The following ARHGAP15 variants were observed in gnomAD, a reference collection of about 807,000 sequenced individuals.
The protein encoded by ARHGAP15 is Rho GTPase activating protein 15.
In ARHGAP15, 51 loss-of-function variants were observed where a neutral mutation model predicts 63.7. The observed-to-expected ratio is 0.80, with a 90% CI of 0.64 to 1.01. The LOEUF (loss-of-function observed/expected upper bound fraction) is 1.01. Ranked by LOEUF, ARHGAP15 falls within the 50% of genes least tolerant of loss-of-function variation. The probability of loss-of-function intolerance (pLI) is 0.00; values close to 1 mark genes in which losing one functional copy is unlikely to be tolerated. For synonymous variants in ARHGAP15, 191 were observed against 193.8 expected (o/e 0.99, Z 0.12); for missense variants, 560 against 564.6 (o/e 0.99, Z 0.08).
chr2:143,531,816 A>G (rs1328768635), intron 10 of ARHGAP15, among the ~76,000 whole-genome samples: 2 of 152,202 alleles, frequency 1.3e-5, no homozygotes, highest in Non-Finnish European at 2.9e-5. Context: ...TTACTACCTG[A>G]TACTTCATAG....
At chr2:143,660,586 C>T (rs944113296) in intron 12 of ARHGAP15, among the ~76,000 whole-genome samples, 1 of 152,168 alleles carries the variant, frequency 6.6e-6, no homozygotes, top group African/African-American at 2.4e-5. Flanking sequence ...GGAAATTACT[C>T]ACTTAGCGAC....
chr2:143,322,189 G>A (rs1395032130), intron 6 of ARHGAP15, among the ~76,000 whole-genome samples: 1 of 152,302 alleles, frequency 6.6e-6, no homozygotes, highest in East Asian at 1.9e-4. Flanking sequence ...CTGTATCAGA[G>A]TTGAGCACTC....
intron 12 of ARHGAP15, among the ~76,000 whole-genome samples, chr2:143,702,320 A>G (rs1413933038): frequency 6.6e-6 from 1 of 152,232 alleles, no homozygotes; most frequent in Non-Finnish European, 1.5e-5. Flanking sequence ...ATCTATAAAC[A>G]AAACAAAATG....
chr2:143,485,399 T>C (rs1013591237), intron 8 of ARHGAP15, among the ~76,000 whole-genome samples: 10 of 152,176 alleles, frequency 6.6e-5, no homozygotes, highest in Admixed American at 5.2e-4. Context: ...ATGACAAATA[T>C]ATAGATAGAT....
chr2:143,729,430 G>A (rs1379323383), intron 13 of ARHGAP15, among the ~76,000 whole-genome samples: 1 of 152,124 alleles, frequency 6.6e-6, no homozygotes, highest in African/African-American at 2.4e-5. Context: ...AACTTTCACT[G>A]GCCACCCACA....
chr2:143,130,650 A>G (rs902318050), intron 1 of ARHGAP15, among the ~76,000 whole-genome samples: 2 of 152,104 alleles, frequency 1.3e-5, no homozygotes, highest in African/African-American at 4.8e-5. Context: ...CCATTTTAAG[A>G]CCTCTTCAAT....
rs150794796 is a variant in ARHGAP15 at position 143,171,259 on chromosome 2, T to C, written c.165+15604T>C. Among the ~76,000 whole-genome samples the C allele has an allele frequency of 1.4e-4, 22 of 152,276 alleles. No homozygotes were observed. The East Asian group carries it at 3.9e-3, about 27-fold the overall frequency. ...TCTTTTCTACTGCCTGCCTTGTGGT[T>C]CAGAGTTTATGATGTGCAAACCCAC... is the stretch of plus-strand genomic sequence containing the variant. On this transcript the variant is annotated intron_variant, in intron 2 of 13. Coordinates refer to ENST00000295095, the MANE Select transcript of ARHGAP15 (RefSeq NM_018460.4).
At chr2:143,447,057 T>C (rs1316590058) in intron 8 of ARHGAP15, among the ~76,000 whole-genome samples, 1 of 152,110 alleles carries the variant, frequency 6.6e-6, no homozygotes, top group East Asian at 1.9e-4. Flanking sequence ...TTCCAAGTCT[T>C]TGCTATTGTG....
intron 13 of ARHGAP15, among the ~76,000 whole-genome samples, chr2:143,765,915 T>C (rs1223695536): frequency 1.3e-5 from 2 of 152,172 alleles, no homozygotes; most frequent in African/African-American, 4.8e-5. Flanking sequence ...CTTGTTATGA[T>C]GATGAAATGA....
intron 12 of ARHGAP15, among the ~76,000 whole-genome samples, chr2:143,666,264 G>A (rs913122352): frequency 3.9e-4 from 57 of 145,448 alleles, no homozygotes; most frequent in African/African-American, 7.7e-4. Flanking sequence ...AAATAATGCC[G>A]CATGTCTACA....
intron 6 of ARHGAP15, among the ~76,000 whole-genome samples, chr2:143,386,179 C>A (rs530025309): frequency 6.6e-6 from 1 of 152,138 alleles, no homozygotes; most frequent in Non-Finnish European, 1.5e-5. Flanking sequence ...ACTCAGCCAC[C>A]AACACAGAGC....
intron 6 of ARHGAP15, among the ~76,000 whole-genome samples, chr2:143,270,797 T>C (rs890783979): frequency 6.6e-6 from 1 of 152,222 alleles, no homozygotes; most frequent in Non-Finnish European, 1.5e-5. Context: ...TAGTATGGTA[T>C]GGAAACAACC....
chr2:143,599,264 G>A (rs1377447960), intron 11 of ARHGAP15, among the ~76,000 whole-genome samples: 1 of 152,146 alleles, frequency 6.6e-6, no homozygotes, highest in Non-Finnish European at 1.5e-5. Context: ...CCATGTTAAT[G>A]AACTCAGACA....
At chr2:143,542,888 G>A (rs916714334) in intron 10 of ARHGAP15, among the ~76,000 whole-genome samples, 9 of 143,574 alleles carry the variant, frequency 6.3e-5, no homozygotes, top group Admixed American at 3.6e-4. Flanking sequence ...ATGATATAAT[G>A]TATATCATAT....
intron 5 of ARHGAP15, among the ~76,000 whole-genome samples, chr2:143,232,036 C>T (rs960753257): frequency 1.3e-5 from 2 of 152,142 alleles, no homozygotes; most frequent in Admixed American, 1.3e-4. Flanking sequence ...ACATTCAATC[C>T]TTAAAAATAT....
intron 13 of ARHGAP15, among the ~76,000 whole-genome samples, chr2:143,737,726 TTTTATTTATTTATTTATTTATTTA>T (rs142591625): frequency 1.4e-5 from 2 of 146,704 alleles, no homozygotes; most frequent in South Asian, 2.2e-4. Context: ...AACCTATTTA[TTTTATTTATTTATTTATTTATTTA>T]TTTATTTATT....
intron 10 of ARHGAP15, among the ~76,000 whole-genome samples, chr2:143,548,505 T>G (rs758455384): frequency 6.6e-6 from 1 of 151,964 alleles, no homozygotes; most frequent in Non-Finnish European, 1.5e-5. Context: ...TAAGCCATTT[T>G]CTTAGAAACG....
At chr2:143,650,302 G>C (rs1203747947) in intron 12 of ARHGAP15, among the ~76,000 whole-genome samples, 1 of 151,904 alleles carries the variant, frequency 6.6e-6, no homozygotes, top group Non-Finnish European at 1.5e-5. Flanking sequence ...ACCAAGAAAA[G>C]AGTGGGTTGG....
At chr2:143,388,713 T>C (rs746026215) in intron 6 of ARHGAP15, among the ~76,000 whole-genome samples, 2 of 152,192 alleles carry the variant, frequency 1.3e-5, no homozygotes, top group African/African-American at 2.4e-5. Context: ...TCTTAATTGT[T>C]CCTTTTAAGA....
Sources: gnomAD v4.1 joint callset for allele counts (sites outside exome capture counted in the v4.1 genomes callset) on GRCh38, gnomAD v4.1.1 for gene constraint, MANE v1.5 for transcripts, NCBI Gene and HGNC (gene_info 2026-07-23, HGNC 2026-07-21) for gene names.